The following AGBL1 variants were observed in gnomAD, a reference collection of about 807,000 sequenced individuals.
AGBL1 encodes cytosolic carboxypeptidase 4.
Under a neutral mutation model 118.9 loss-of-function variants are expected in AGBL1, and 130 were observed. The observed-to-expected ratio is 1.09, with a 90% CI of 0.95 to 1.26. AGBL1 has a LOEUF of 1.26. Ranked by LOEUF, AGBL1 falls within the 50% of genes most tolerant of loss-of-function variation. AGBL1 has a pLI of 0.00. For missense variants in AGBL1, 1,584 were observed against 1,298.1 expected (o/e 1.22, Z -3.38); for synonymous variants, 555 against 478.9 (o/e 1.16, Z -2.08).
At chr15:86,595,951 C>T (rs2084399179) in intron 21 of AGBL1, among the ~76,000 whole-genome samples, 1 of 151,988 alleles carries the variant, frequency 6.6e-6, no homozygotes, top group African/African-American at 2.4e-5. Context: ...TCATGCATCC[C>T]TGTGGAGTTA....
At chr15:86,405,277 C>T (rs1209315595) in intron 18 of AGBL1, among the ~76,000 whole-genome samples, 4 of 151,540 alleles carry the variant, frequency 2.6e-5, no homozygotes, top group South Asian at 2.1e-4. Context: ...TTTGGGAGGC[C>T]GAGGCAGGCA....
chr15:86,541,731 C>A (rs899570796), intron 19 of AGBL1, among the ~76,000 whole-genome samples: 1 of 151,928 alleles, frequency 6.6e-6, no homozygotes, highest in African/African-American at 2.4e-5. Flanking sequence ...CTTTCCCCTG[C>A]TGGAAAATTC....
At chr15:86,852,132 C>T (rs1214880253) in intron 22 of AGBL1, among the ~76,000 whole-genome samples, 1 of 152,082 alleles carries the variant, frequency 6.6e-6, no homozygotes, top group Non-Finnish European at 1.5e-5. Context: ...GTTTAATTGG[C>T]TCACAGTTCC....
chr15:87,025,007 A>G (rs187294640), intron 24 of AGBL1, among the ~76,000 whole-genome samples: 4,369 of 152,146 alleles, frequency 0.029, 87 homozygotes, highest in Middle Eastern at 0.058. Flanking sequence ...TTTATGACAA[A>G]CCCACAGCCA....
chr15:86,311,535 G>A (rs967649426), intron 17 of AGBL1, among the ~76,000 whole-genome samples: 1 of 152,060 alleles, frequency 6.6e-6, no homozygotes, highest in Non-Finnish European at 1.5e-5. Context: ...AAGAATTTTA[G>A]TGAAGAAATA....
At chr15:86,547,781 T>C (rs2083605242) in intron 20 of AGBL1, among the ~76,000 whole-genome samples, 1 of 152,204 alleles carries the variant, frequency 6.6e-6, no homozygotes, top group Non-Finnish European at 1.5e-5. Context: ...TTTTCTCCCT[T>C]GTGAAATTAG....
chr15:86,940,818 T>C (rs2080741918), intron 23 of AGBL1, among the ~76,000 whole-genome samples: 1 of 152,176 alleles, frequency 6.6e-6, no homozygotes, highest in African/African-American at 2.4e-5. Flanking sequence ...ACTTTTCTAT[T>C]GTTTTGTTTC....
At chr15:86,591,050 A>C (rs1413126019) in intron 21 of AGBL1, among the ~76,000 whole-genome samples, 4 of 152,146 alleles carry the variant, frequency 2.6e-5, no homozygotes, top group African/African-American at 9.7e-5. Context: ...CTTTAAGTTT[A>C]GTTCGCTCTC....
chr15:86,505,753 C>T lies in AGBL1; in HGVS notation c.2556-17057C>T, dbSNP rs369926383. Among the ~76,000 whole-genome samples the T allele has an allele frequency of 1.3e-3, 195 of 151,918 alleles. 3 individuals are homozygous for T. The South Asian group carries it at 0.022, about 17-fold the overall frequency. ...CATAATAGCTTATTTAAGTCTTAGA[C>T]AGTAAGTTCAATATCTGGGCTTCCA... is the stretch of plus-strand genomic sequence containing the variant. On this transcript the variant is annotated intron_variant, in intron 18 of 22. Transcript: ENST00000614907.
chr15:86,709,447 A>G (rs993058249), intron 22 of AGBL1, among the ~76,000 whole-genome samples: 8 of 152,186 alleles, frequency 5.3e-5, no homozygotes, highest in African/African-American at 1.4e-4. Flanking sequence ...TAATCAATAC[A>G]TAGTTACTGA....
At chr15:86,802,535 T>C (rs1217269275) in intron 22 of AGBL1, among the ~76,000 whole-genome samples, 1 of 152,196 alleles carries the variant, frequency 6.6e-6, no homozygotes, top group African/African-American at 2.4e-5. Context: ...ACCCTCTTTA[T>C]TTTTAGTCTA....
intron 18 of AGBL1, among the ~76,000 whole-genome samples, chr15:86,415,582 T>C (rs1246536578): frequency 3.9e-5 from 6 of 152,186 alleles, no homozygotes; most frequent in African/African-American, 1.4e-4. Flanking sequence ...AAATAGTGTA[T>C]TTAGCATGAA....
rs1469280443 is a variant in AGBL1 at position 86,966,566 on chromosome 15, A to T, written c.3222-21421A>T. 3.3e-5 allele frequency among the ~76,000 whole-genome samples: 5 copies of T among 152,148 alleles called. No homozygotes were observed. In the East Asian group the frequency reaches 9.7e-4, roughly 29 times the overall value. On this transcript the variant is annotated intron_variant, in intron 23 of 24. Coordinates refer to the AGBL1 transcript ENST00000441037. Reference sequence around the variant, plus strand: ...GTTCACTTCCCACCTATGAGTGAGAACATGTGGTGTTTGGTTTTTTGTCCT... The same window carrying T: ...GTTCACTTCCCACCTATGAGTGAGATCATGTGGTGTTTGGTTTTTTGTCCT...
chr15:86,923,131 C>T (rs759947479), intron 23 of AGBL1, among the ~76,000 whole-genome samples: 2 of 152,154 alleles, frequency 1.3e-5, no homozygotes, highest in African/African-American at 2.4e-5. Flanking sequence ...TGTCTATCTG[C>T]GCTCTCATCC....
In AGBL1 at chr15:86,849,225, C is replaced by T. The variant is rs542289523; in HGVS notation, c.3159-57862C>T. ...CAATCTACAGCACATTTCAGTGTTG[C>T]ATGGTTTCAGTTTATGCAGCTTTCT... On this transcript the variant is annotated intron_variant, in intron 22 of 22. Transcript: ENST00000614907. Among the ~76,000 whole-genome samples the T allele has an allele frequency of 9.2e-5, 14 of 152,310 alleles. No homozygotes were observed. The South Asian group carries it at 1.7e-3, about 18-fold the overall frequency.
At chr15:86,818,490 T>A (rs1212223664) in intron 22 of AGBL1, among the ~76,000 whole-genome samples, 49 of 152,148 alleles carry the variant, frequency 3.2e-4, no homozygotes. Context: ...ACAGTTTCAT[T>A]CAGAAACCAC....
chr15:86,255,196 C>T (rs539804346), intron 7 of AGBL1, among the ~76,000 whole-genome samples: 24 of 152,224 alleles, frequency 1.6e-4, no homozygotes, highest in Non-Finnish European at 3.1e-4. Context: ...ATCTGATAAG[C>T]CATCTCTTTC....
At chr15:86,634,569 G>C in intron 21 of AGBL1, among the ~76,000 whole-genome samples, 1 of 152,188 alleles carries the variant, frequency 6.6e-6, no homozygotes. Flanking sequence ...AAAATGGGAA[G>C]TGTCTGCTAA....
chr15:86,750,964 A>G (rs946183597), intron 22 of AGBL1, among the ~76,000 whole-genome samples: 2 of 152,104 alleles, frequency 1.3e-5, no homozygotes, highest in East Asian at 1.9e-4. Flanking sequence ...TGTAAAGGAC[A>G]TGATCTCATT....
Sources: allele counts gnomAD v4.1 joint callset (sites outside exome capture counted in the v4.1 genomes callset), GRCh38; gene constraint gnomAD v4.1.1; transcripts MANE v1.5; gene names NCBI Gene and HGNC (gene_info 2026-07-23, HGNC 2026-07-21).